JAZF1: variants seen among roughly 807,000 people sequenced by gnomAD.
The protein encoded by JAZF1 is juxtaposed with another zinc finger protein 1.
JAZF1 carries 8 observed loss-of-function variants against 26.4 expected under a neutral mutation model. The observed-to-expected ratio is 0.30, with a 90% CI of 0.18 to 0.55. The LOEUF (loss-of-function observed/expected upper bound fraction) is 0.55. Ranked by LOEUF, JAZF1 falls within the 20% of genes least tolerant of loss-of-function variation. The pLI is 0.94. For synonymous variants in JAZF1, 126 were observed against 122.3 expected (o/e 1.03, Z -0.20); for missense variants, 199 against 322.0 (o/e 0.62, Z 2.92).
At chr7:28,004,800 G>T (rs2128368658) in intron 1 of JAZF1, among the ~76,000 whole-genome samples, 1 of 152,138 alleles carries the variant, frequency 6.6e-6, no homozygotes, top group Admixed American at 6.5e-5. Context: ...TTACAGGTGT[G>T]CACCACCACA....
At chr7:28,126,443 A>C (rs1349754195) in intron 1 of JAZF1, among the ~76,000 whole-genome samples, 1 of 150,834 alleles carries the variant, frequency 6.6e-6, no homozygotes, top group Non-Finnish European at 1.5e-5. Flanking sequence ...TGGCTGGGGG[A>C]CCACTTTGGA....
At chr7:27,889,323 T>A (rs1235850889) in intron 3 of JAZF1, among the ~76,000 whole-genome samples, 2 of 152,152 alleles carry the variant, frequency 1.3e-5, no homozygotes, top group East Asian at 3.9e-4. Context: ...GAAATTACTT[T>A]CTTAACTAAG....
chr7:27,832,986 A>G lies in JAZF1; in HGVS notation c.556-10T>C. 1 of 1,544,414 alleles carries G rather than the reference A, an allele frequency of 6.5e-7. No individual in the cohort carries two copies. Among genetic ancestry groups the G allele is most frequent in the Non-Finnish European group, 8.8e-7 (1 of 1,142,320 alleles). ...TTATGCCATTCACATTCTGTGGAGA[A>G]GACAAAAATATTTATTACATGGATT... is the stretch of plus-strand genomic sequence containing the variant. On this transcript the variant is annotated splice_polypyrimidine_tract_variant and intron_variant, in intron 4 of 4. Coordinates refer to ENST00000283928, the MANE Select transcript of JAZF1 (RefSeq NM_175061.4).
intron 1 of JAZF1, among the ~76,000 whole-genome samples, chr7:28,131,756 C>T (rs1583577207): frequency 6.6e-6 from 1 of 152,140 alleles, no homozygotes; most frequent in Non-Finnish European, 1.5e-5. Flanking sequence ...CAAATATTGC[C>T]TAATTTTTCT....
intron 1 of JAZF1, among the ~76,000 whole-genome samples, chr7:28,125,005 G>A (rs1583573891): frequency 6.6e-6 from 1 of 152,144 alleles, no homozygotes; most frequent in African/African-American, 2.4e-5. Flanking sequence ...ACCTGATCTA[G>A]CCTACAAACC....
At chr7:27,876,603 T>A (rs1783684934) in intron 3 of JAZF1, among the ~76,000 whole-genome samples, 1 of 152,234 alleles carries the variant, frequency 6.6e-6, no homozygotes, top group Non-Finnish European at 1.5e-5. Flanking sequence ...TTTCTTAAAA[T>A]GTCAAGTATT....
chr7:27,853,151 AC>A (rs1783182241), intron 3 of JAZF1, among the ~76,000 whole-genome samples: 1 of 152,136 alleles, frequency 6.6e-6, no homozygotes, highest in Non-Finnish European at 1.5e-5. Flanking sequence ...TGGGGTATCT[AC>A]TGATTTCCTA....
chr7:27,934,818 CA>C (rs1404574824), intron 2 of JAZF1, among the ~76,000 whole-genome samples: 1 of 152,030 alleles, frequency 6.6e-6, no homozygotes, highest in Non-Finnish European at 1.5e-5. Context: ...GATATGACAC[CA>C]AAAGCACAAG....
At chr7:27,981,452 C>T (rs1238265942) in intron 2 of JAZF1, among the ~76,000 whole-genome samples, 2 of 151,964 alleles carry the variant, frequency 1.3e-5, no homozygotes, top group East Asian at 1.9e-4. Context: ...GTTTAGACCA[C>T]CTGGAGAAAT....
At chr7:27,987,302 C>A (rs531758171) in intron 2 of JAZF1, among the ~76,000 whole-genome samples, 2 of 151,976 alleles carry the variant, frequency 1.3e-5, no homozygotes, top group East Asian at 3.9e-4. Context: ...CTCTGCCCGG[C>A]TGCGACCCCG....
At chr7:27,911,810 G>A (rs907368156) in intron 2 of JAZF1, among the ~76,000 whole-genome samples, 1 of 150,438 alleles carries the variant, frequency 6.6e-6, no homozygotes, top group Non-Finnish European at 1.5e-5. Context: ...GGGAAAAGGA[G>A]GCAAAGGTTG....
intron 2 of JAZF1, among the ~76,000 whole-genome samples, chr7:27,969,938 A>T (rs1312290036): frequency 6.6e-6 from 1 of 152,248 alleles, no homozygotes; most frequent in Non-Finnish European, 1.5e-5. Context: ...GATGTACAAT[A>T]GAAAGATCTC....
At chr7:28,086,908 T>C (rs1583552843) in intron 1 of JAZF1, among the ~76,000 whole-genome samples, 1 of 152,144 alleles carries the variant, frequency 6.6e-6, no homozygotes, top group East Asian at 1.9e-4. Flanking sequence ...TTCCCCACAG[T>C]AGTATTATAA....
At chr7:27,967,003 T>C (rs1785287824) in intron 2 of JAZF1, among the ~76,000 whole-genome samples, 2 of 152,230 alleles carry the variant, frequency 1.3e-5, no homozygotes, top group African/African-American at 4.8e-5. Flanking sequence ...TCAGGGTCTA[T>C]GCCAGTGATA....
chr7:28,136,201 ACT>A (rs746646664), intron 1 of JAZF1, among the ~76,000 whole-genome samples: 56 of 152,222 alleles, frequency 3.7e-4, no homozygotes, highest in South Asian at 2.5e-3. Flanking sequence ...ATCTCAAATA[ACT>A]CTCACACTCT....
At chr7:27,938,529 T>A (rs1456159334) in intron 2 of JAZF1, among the ~76,000 whole-genome samples, 1 of 152,232 alleles carries the variant, frequency 6.6e-6, no homozygotes, top group East Asian at 1.9e-4. Context: ...AAGGTACTTA[T>A]CTCTGTGCCT....
chr7:28,120,380 T>C (rs1308906391), intron 1 of JAZF1, among the ~76,000 whole-genome samples: 3 of 151,762 alleles, frequency 2.0e-5, no homozygotes, highest in Non-Finnish European at 1.5e-5. Flanking sequence ...AGAAGCTAAA[T>C]TGTAATATCA....
chr7:27,913,428 C>T, intron 2 of JAZF1: 1 of 448,718 alleles, frequency 2.2e-6, no homozygotes, highest in South Asian at 1.6e-5. Context: ...GGGAGGTCTT[C>T]TCTAGGTCTG....
At chr7:28,097,736 T>C (rs568366135) in intron 1 of JAZF1, among the ~76,000 whole-genome samples, 91 of 152,078 alleles carry the variant, frequency 6.0e-4, no homozygotes, top group Non-Finnish European at 3.1e-4. Flanking sequence ...TTCGGGGAGC[T>C]AAAAAGAAAG....
Sources: allele counts gnomAD v4.1 joint callset (sites outside exome capture counted in the v4.1 genomes callset), GRCh38; gene constraint gnomAD v4.1.1; transcripts MANE v1.5; gene names NCBI Gene and HGNC (gene_info 2026-07-23, HGNC 2026-07-21).